The following ITGA11 variants were observed in gnomAD, a reference collection of about 807,000 sequenced individuals.
ITGA11 encodes the protein integrin alpha-11.
In ITGA11, 97 loss-of-function variants were observed where a neutral mutation model predicts 141.9. The ratio of observed to expected loss-of-function variants is 0.68; its 90% confidence interval spans 0.58 to 0.81. The LOEUF (loss-of-function observed/expected upper bound fraction) is 0.81. ITGA11 is among the 30% of genes least tolerant of loss of function. The probability of loss-of-function intolerance (pLI) is 0.00; values close to 1 mark genes in which losing one functional copy is unlikely to be tolerated. For synonymous variants in ITGA11, 658 were observed against 624.6 expected (o/e 1.05, Z -0.80); for missense variants, 1,387 against 1,559.2 (o/e 0.89, Z 1.86).
At chr15:68,368,070 A>G (rs8042862) in intron 3 of ITGA11, among the ~76,000 whole-genome samples, 141,873 of 152,304 alleles carry the variant, frequency 0.93, 66,416 homozygotes, top group Middle Eastern at 0.98. Flanking sequence ...TGTGACAGAC[A>G]GCTGGCTGCC....
At chr15:68,319,207 C>T (rs961690540) in intron 20 of ITGA11, among the ~76,000 whole-genome samples, 1 of 152,258 alleles carries the variant, frequency 6.6e-6, no homozygotes, top group African/African-American at 2.4e-5. Context: ...CTCTGCGGCT[C>T]ACCAGCTGTG....
Position 68,324,847 on chromosome 15 carries a change from C to T in ITGA11, c.2322+284G>A, listed in dbSNP as rs1893920047. On this transcript the variant is annotated intron_variant, in intron 18 of 29. Coordinates refer to ENST00000315757, the MANE Select transcript of ITGA11 (RefSeq NM_001004439.2). The surrounding 1 kb of genome is among the most constrained non-coding windows in gnomAD (Gnocchi z 6.3). ...TCTCATCCAGTGGTTCTTTGTATTT[C>T]TCCGGTGCTCACCCTGTGCTCCCCT... Among the ~76,000 whole-genome samples the T allele has an allele frequency of 6.6e-6, 1 of 152,114 alleles. No homozygotes were observed. The highest frequency in any genetic ancestry group is 2.1e-4 in the South Asian group (1 of 4,826).
intron 7 of ITGA11, among the ~76,000 whole-genome samples, chr15:68,353,989 A>G (rs1027598480): frequency 6.6e-6 from 1 of 151,946 alleles, no homozygotes; most frequent in Non-Finnish European, 1.5e-5. Context: ...CCTCCCAGCC[A>G]TCTGCTTGCC....
At chr15:68,371,509 T>C (rs771930878) in intron 2 of ITGA11, among the ~76,000 whole-genome samples, 3 of 151,786 alleles carry the variant, frequency 2.0e-5, no homozygotes, top group Admixed American at 6.6e-5. Flanking sequence ...AGTCAGGAGT[T>C]CAAGACCAGC....
At chr15:68,312,906 C>T (rs1379962830) in intron 23 of ITGA11, 43 bp from the exon 24 acceptor site, 1 of 1,408,510 alleles carries the variant, frequency 7.1e-7, no homozygotes, top group Non-Finnish European at 1.0e-6. Context: ...TCAGTCAGGG[C>T]TGGCTGGATG....
At chr15:68,397,725 ATATTTAAAATAT>A (rs1896353101) in intron 2 of ITGA11, among the ~76,000 whole-genome samples, 1 of 67,942 alleles carries the variant, frequency 1.5e-5, no homozygotes, top group African/African-American at 5.4e-5. Flanking sequence ...TTAAAATATT[ATATTTAAAATAT>A]TATATTTAAA....
At chr15:68,370,941 G>A (rs1595881874) in intron 2 of ITGA11, among the ~76,000 whole-genome samples, 2 of 152,192 alleles carry the variant, frequency 1.3e-5, no homozygotes, top group Non-Finnish European at 2.9e-5. Flanking sequence ...GTCCACCTTG[G>A]CGCTGTCAGG....
intron 12 of ITGA11, 35 bp from the exon 13 acceptor site, chr15:68,332,513 C>T (rs1432803625): frequency 1.2e-5 from 19 of 1,602,566 alleles, no homozygotes; most frequent in Non-Finnish European, 1.5e-5. Flanking sequence ...AGTGGGCTGG[C>T]TGCCCAGCTC....
rs1257888053 is a variant in ITGA11 at position 68,321,442 on chromosome 15, G to T, written c.2384C>A (p.Ala795Asp). The T allele has an allele frequency of 6.3e-7, 1 of 1,591,220 alleles. No homozygotes were observed. Among genetic ancestry groups the T allele is most frequent in the Admixed American group, 1.7e-5 (1 of 57,672 alleles). Reference protein sequence around the residue: ...EHCVPDLVLDARSDLPTAMEY... With the variant: ...EHCVPDLVLDDRSDLPTAMEY... ...CATGGCCGTGGGCAGGTCACTCCGG[G>T]CATCCAACACAAGGTCAGGGACACA... is the stretch of plus-strand genomic sequence containing the variant. Residue 795 changes from alanine to aspartate, a missense_variant, in exon 19 of 30, where the codon GCC becomes GAC. Ala to Asp is a moderately radical substitution (Grantham distance 126). Coordinates refer to ENST00000315757, the MANE Select transcript of ITGA11 (RefSeq NM_001004439.2). The surrounding 1 kb of genome is among the most constrained non-coding windows in gnomAD (Gnocchi z 4.9).
intron 2 of ITGA11, among the ~76,000 whole-genome samples, chr15:68,397,406 T>TTATTTATTATATAATATATTATATAG (rs1896322436): frequency 1.5e-5 from 1 of 66,416 alleles, no homozygotes; most frequent in Non-Finnish European, 2.4e-5. Context: ...ATATTATATA[T>TTATTTATTATATAATATATTATATAG]TATTTATTAT....
intron 20 of ITGA11, among the ~76,000 whole-genome samples, chr15:68,318,628 G>A (rs1893679999): frequency 6.6e-6 from 1 of 152,048 alleles, no homozygotes. Flanking sequence ...GGAGGAAGGG[G>A]GTACCCGAGT....
At chr15:68,426,660 A>G (rs1279200490) in intron 1 of ITGA11, among the ~76,000 whole-genome samples, 1 of 152,064 alleles carries the variant, frequency 6.6e-6, no homozygotes, top group Non-Finnish European at 1.5e-5. Flanking sequence ...GCTGTTGAAG[A>G]CACCTCCTTT....
chr15:68,328,003 C>T lies in ITGA11; in HGVS notation c.2068+93G>A. ...CTCTTGGGCGACCTGGCACTTAGCA[C>T]CCATTTTGGGAAAAGCCCAGGCTTT... On this transcript the variant is annotated intron_variant, in intron 16 of 29. Coordinates refer to ENST00000315757, the MANE Select transcript of ITGA11 (RefSeq NM_001004439.2). The surrounding 1 kb of genome is among the most constrained non-coding windows in gnomAD (Gnocchi z 4.8). 1 of 1,305,368 alleles carries T rather than the reference C, an allele frequency of 7.7e-7. No homozygotes were observed. The allele number at this position is 1,305,368 out of a possible 1,614,324, so 80.9% of individuals were successfully genotyped here. A position where few individuals can be genotyped will look rare whatever the true frequency, so the allele number is the denominator to read the frequency against.
chr15:68,416,050 C>A (rs1896879637), intron 1 of ITGA11, among the ~76,000 whole-genome samples: 1 of 152,200 alleles, frequency 6.6e-6, no homozygotes, highest in Non-Finnish European at 1.5e-5. Context: ...CTTGGAGCAC[C>A]CTGACCCTGG....
intron 2 of ITGA11, among the ~76,000 whole-genome samples, chr15:68,396,946 A>G (rs11858232): frequency 3.5e-4 from 2 of 5,768 alleles, no homozygotes; most frequent in South Asian, 8.9e-3. Context: ...AATATATTAT[A>G]TATTATTTAT....
Position 68,342,903 on chromosome 15 carries a change from G to A in ITGA11, c.1132-3259C>T, listed in dbSNP as rs552415073. On this transcript the variant is annotated intron_variant, in intron 10 of 29. Coordinates refer to ENST00000315757, the MANE Select transcript of ITGA11 (RefSeq NM_001004439.2). ...AGGACAGAGGTGGAGGATCCCTGGCGTGGTGGTGAGAGCAGGAAGGAGTTC... is the reference window on the plus strand; with the variant it reads ...AGGACAGAGGTGGAGGATCCCTGGCATGGTGGTGAGAGCAGGAAGGAGTTC... Among the ~76,000 whole-genome samples, 15 of 152,276 alleles carry A rather than the reference G, an allele frequency of 9.9e-5. No homozygotes were observed. In the South Asian group the frequency reaches 1.7e-3, roughly 17 times the overall value.
At chr15:68,336,402 C>T (rs7176339) in intron 11 of ITGA11, among the ~76,000 whole-genome samples, 17,314 of 152,168 alleles carry the variant, frequency 0.11, 2,365 homozygotes, top group African/African-American at 0.33. Flanking sequence ...CTTGCAGCCC[C>T]AAAGCTTTGC....
intron 1 of ITGA11, among the ~76,000 whole-genome samples, chr15:68,430,312 T>C (rs1022075671): frequency 2.0e-5 from 3 of 152,184 alleles, no homozygotes; most frequent in African/African-American, 7.2e-5. Flanking sequence ...GTTAAGGGCC[T>C]TTCTTACAGT....
Position 68,321,373 on chromosome 15 carries a change from G to T in ITGA11, c.2408+45C>A. 7.7e-7 allele frequency: 1 copy of T among 1,290,996 alleles called. No homozygotes were observed. Among genetic ancestry groups the T allele is most frequent in the Non-Finnish European group, 1.1e-6 (1 of 934,982 alleles). The allele number at this position is 1,290,996 out of a possible 1,614,324, so 80.0% of individuals were successfully genotyped here. Reference sequence around the variant, plus strand: ...CCCAGGAGCCCCAGAGCCTCTGGCAGTGAAGGGGAAGGGGCGAGGGTGGGG... The same window carrying T: ...CCCAGGAGCCCCAGAGCCTCTGGCATTGAAGGGGAAGGGGCGAGGGTGGGG... On this transcript the variant is annotated intron_variant, in intron 19 of 29. Coordinates refer to ENST00000315757, the MANE Select transcript of ITGA11 (RefSeq NM_001004439.2). The surrounding 1 kb of genome is among the most constrained non-coding windows in gnomAD (Gnocchi z 4.9).
Sources: gnomAD v4.1 joint callset for allele counts (sites outside exome capture counted in the v4.1 genomes callset) on GRCh38, gnomAD v4.1.1 for gene constraint, Gnocchi (gnomAD v3.1) non-coding constraint, MANE v1.5 for transcripts, NCBI Gene and HGNC (gene_info 2026-07-23, HGNC 2026-07-21) for gene names.